NLGN1: variants seen among roughly 807,000 people sequenced by gnomAD.
NLGN1 encodes neuroligin 1.
NLGN1 carries 12 observed loss-of-function variants against 65.5 expected under a neutral mutation model. The observed-to-expected ratio is 0.18, with a 90% CI of 0.12 to 0.30. The LOEUF (loss-of-function observed/expected upper bound fraction) is 0.30, where lower values mean the gene tolerates loss of function less well. NLGN1 is among the 10% of genes least tolerant of loss of function. The pLI, the probability that NLGN1 is intolerant of heterozygous loss-of-function variation, is 1.00. For missense variants in NLGN1, 750 were observed against 1,007.1 expected (o/e 0.74, Z 3.46); for synonymous variants, 350 against 359.5 (o/e 0.97, Z 0.30).
chr3:174,096,651 C>A (rs12497282), intron 4 of NLGN1, among the ~76,000 whole-genome samples: 40,131 of 151,830 alleles, frequency 0.26, 6,703 homozygotes, highest in African/African-American at 0.48. Flanking sequence ...TTTAGAAAAC[C>A]AATTATAACA....
intron 2 of NLGN1, among the ~76,000 whole-genome samples, chr3:173,597,086 T>A (rs77756329): frequency 0.028 from 4,189 of 152,314 alleles, 88 homozygotes; most frequent in Middle Eastern, 0.041. Context: ...GCAGCCTTTT[T>A]ATTTTCCTTC....
chr3:174,049,629 G>A (rs575136987), intron 4 of NLGN1, among the ~76,000 whole-genome samples: 2 of 152,144 alleles, frequency 1.3e-5, no homozygotes, highest in East Asian at 3.9e-4. Context: ...TAGTAAAAAT[G>A]GATTATGGTG....
intron 4 of NLGN1, among the ~76,000 whole-genome samples, chr3:174,140,845 T>C (rs951221259): frequency 1.3e-5 from 2 of 152,184 alleles, no homozygotes; most frequent in African/African-American, 4.8e-5. Flanking sequence ...TTCACAAATT[T>C]TATAGCCAAA....
chr3:173,587,084 C>T (rs1017087741), intron 2 of NLGN1, among the ~76,000 whole-genome samples: 7 of 152,140 alleles, frequency 4.6e-5, no homozygotes, highest in Admixed American at 3.9e-4. Context: ...AAAAGAAGGT[C>T]CTTTTAAAAT....
At position 174,024,794 on chromosome 3, in the gene NLGN1, C is replaced by T. The variant is rs144743071; in HGVS notation, c.646+216962C>T. 3.5e-4 allele frequency among the ~76,000 whole-genome samples: 53 copies of T among 152,244 alleles called. 1 individual carries two copies. In the East Asian group the frequency reaches 7.9e-3, roughly 23 times the overall value. ...TATCTGCTCATTGACAATATAAAAT[C>T]GCCATTGCTCTGTCAATCTGTCATT... On this transcript the variant is annotated intron_variant, in intron 4 of 6. Coordinates refer to ENST00000457714, the Ensembl canonical transcript of NLGN1.
At position 174,260,811 on chromosome 3, in the gene NLGN1, G is replaced by C. The variant is rs201704688; in HGVS notation, c.647-14504G>C. On this transcript the variant is annotated intron_variant, in intron 4 of 6. Transcript: ENST00000457714. ...TAGGTTTTCTTCTAGGGTTTTTATG[G>C]TTTTAGGTCTAACGTTTAAGTCTTT... Among the ~76,000 whole-genome samples, 1,455 of 150,360 alleles carry C rather than the reference G, an allele frequency of 9.7e-3. 14 individuals carry two copies. Among genetic ancestry groups the C allele is most frequent in the East Asian group, 0.028 (140 of 4,996 alleles).
At chr3:173,831,665 A>T (rs182475917) in intron 4 of NLGN1, among the ~76,000 whole-genome samples, 29 of 152,346 alleles carry the variant, frequency 1.9e-4, no homozygotes, top group Admixed American at 3.9e-4. Context: ...AAACAGGAAG[A>T]TGTTTTTTTC....
At chr3:173,443,957 A>G (rs1719695676) in intron 2 of NLGN1, among the ~76,000 whole-genome samples, 1 of 152,190 alleles carries the variant, frequency 6.6e-6, no homozygotes, top group African/African-American at 2.4e-5. Context: ...TAACCAACAT[A>G]AGATTGTATC....
intron 3 of NLGN1, among the ~76,000 whole-genome samples, chr3:173,736,305 A>G (rs769472591): frequency 6.6e-6 from 1 of 152,072 alleles, no homozygotes; most frequent in African/African-American, 2.4e-5. Flanking sequence ...GTGCGTAAGA[A>G]AGGAGGAAAT....
intron 2 of NLGN1, among the ~76,000 whole-genome samples, chr3:173,494,642 T>G (rs964094265): frequency 7.9e-5 from 12 of 151,826 alleles, no homozygotes; most frequent in African/African-American, 2.9e-4. Context: ...ATTTTATGTT[T>G]CTCCAATAGC....
intron 3 of NLGN1, among the ~76,000 whole-genome samples, chr3:173,764,813 T>TA (rs984683385): frequency 3.1e-4 from 47 of 152,270 alleles, no homozygotes; most frequent in African/African-American, 1.1e-3. Context: ...AATATATTTA[T>TA]AAAAAATCAT....
intron 2 of NLGN1, among the ~76,000 whole-genome samples, chr3:173,563,007 C>A (rs1369791336): frequency 6.6e-6 from 1 of 152,176 alleles, no homozygotes; most frequent in East Asian, 1.9e-4. Flanking sequence ...AAAAACCATT[C>A]CACCTGCAGC....
At chr3:173,433,337 C>G (rs1317382245) in intron 1 of NLGN1, among the ~76,000 whole-genome samples, 2 of 152,150 alleles carry the variant, frequency 1.3e-5, no homozygotes, top group African/African-American at 4.8e-5. Context: ...CTGCCAATCC[C>G]CTGTCTCTCC....
intron 4 of NLGN1, among the ~76,000 whole-genome samples, chr3:174,204,248 TTTG>T: frequency 6.6e-6 from 1 of 152,328 alleles, no homozygotes; most frequent in South Asian, 2.1e-4. Flanking sequence ...CCAGAGCAAT[TTTG>T]TTGTTCTTTA....
chr3:173,892,177 T>G (rs915499686), intron 4 of NLGN1, among the ~76,000 whole-genome samples: 1 of 127,018 alleles, frequency 7.9e-6, no homozygotes, highest in Non-Finnish European at 1.8e-5. Context: ...ATATTTAAGG[T>G]TTTTTTTTTT....
At chr3:173,423,514 C>G (rs1715513224) in intron 1 of NLGN1, among the ~76,000 whole-genome samples, 1 of 152,082 alleles carries the variant, frequency 6.6e-6, no homozygotes, top group South Asian at 2.1e-4. Flanking sequence ...GATAAATGTT[C>G]CCATTCCAAA....
chr3:173,969,582 T>C (rs1715723448), intron 4 of NLGN1, among the ~76,000 whole-genome samples: 1 of 152,140 alleles, frequency 6.6e-6, no homozygotes. Context: ...TTGAGAAGTC[T>C]ATCTCAAATA....
intron 4 of NLGN1, among the ~76,000 whole-genome samples, chr3:173,990,492 A>G (rs1560790220): frequency 6.6e-6 from 1 of 152,194 alleles, no homozygotes; most frequent in African/African-American, 2.4e-5. Context: ...TTATATTACT[A>G]TATCACTTGC....
chr3:173,557,518 TTC>T (rs1741914248), intron 2 of NLGN1, among the ~76,000 whole-genome samples: 1 of 152,126 alleles, frequency 6.6e-6, no homozygotes, highest in Non-Finnish European at 1.5e-5. Flanking sequence ...ACTTTCTTGA[TTC>T]TGTTTTTCTG....
Sources: allele counts gnomAD v4.1 joint callset (sites outside exome capture counted in the v4.1 genomes callset), GRCh38; gene constraint gnomAD v4.1.1; transcripts MANE v1.5; gene names NCBI Gene and HGNC (gene_info 2026-07-23, HGNC 2026-07-21).